The following PCDHA6 variants were observed in gnomAD, a reference collection of about 807,000 sequenced individuals.
The protein encoded by PCDHA6 is protocadherin alpha-6.
In PCDHA6, 55 loss-of-function variants were observed where a neutral mutation model predicts 60.3. That is an observed-to-expected ratio of 0.91 (90% CI 0.73 to 1.14). The LOEUF is 1.14. Among genes scored for constraint, PCDHA6 ranks in the 50% most tolerant of loss-of-function variants. The pLI is 0.00. For synonymous variants in PCDHA6, 652 were observed against 557.9 expected (o/e 1.17, Z -2.38); for missense variants, 1,327 against 1,256.5 (o/e 1.06, Z -0.85).
At chr5:140,925,641 T>TATAATAATAATAATA (rs10569930) in intron 1 of PCDHA6, among the ~76,000 whole-genome samples, 21 of 143,352 alleles carry the variant, frequency 1.5e-4, no homozygotes, top group East Asian at 6.1e-4. Context: ...GAACTTAAAG[T>TATAATAATAATAATA]ATAATAATAA....
At chr5:140,848,972 T>G in intron 1 of PCDHA6, 3 of 1,601,076 alleles carry the variant, frequency 1.9e-6, no homozygotes, top group Non-Finnish European at 2.6e-6. Context: ...GCGCGTCCGA[T>G]GCAGATATCG....
chr5:140,967,472 G>C (rs782183935), intron 1 of PCDHA6: 3 of 1,613,430 alleles, frequency 1.9e-6, no homozygotes, highest in Non-Finnish European at 2.5e-6. Flanking sequence ...GGGCATCCCA[G>C]CCCGCTCGGG....
rs1554132701 is a variant in PCDHA6 at position 140,830,282 on chromosome 5, G to A, written c.2191G>A (p.Ala731Thr). 1 of 1,613,704 alleles carries A rather than the reference G, an allele frequency of 6.2e-7. No homozygotes were observed. The highest frequency in any genetic ancestry group is 1.3e-5 in the African/African-American group (1 of 74,938). The change falls in exon 1 of 4, where the codon GCG (alanine) becomes ACG (threonine). Residue 731 changes from alanine (A) to threonine (T), a missense_variant. By Grantham distance (58) the Ala-to-Thr change is moderately conservative. Coordinates refer to ENST00000529310, the MANE Select transcript of PCDHA6 (RefSeq NM_018909.4). ...GTGCTCGGCGCCACCCACCGAGGGC[G>A]CGTGCACGGCGGACAAGCCCACGCT... is the stretch of plus-strand genomic sequence containing the variant. The part of the protein sequence containing the change: ...LRCSAPPTEG[A>T]CTADKPTLVC...
At chr5:140,883,329 C>T (rs1554177701) in intron 1 of PCDHA6, 1 of 1,614,166 alleles carries the variant, frequency 6.2e-7, no homozygotes. Context: ...ACCATCACTT[C>T]TTTGTCACTC....
intron 1 of PCDHA6, chr5:140,884,552 G>A (rs1554181720): frequency 6.2e-7 from 1 of 1,614,142 alleles, no homozygotes; most frequent in East Asian, 2.2e-5. Context: ...GTGCTCTGGG[G>A]AGGGCCCGCA....
In PCDHA6 at chr5:140,841,946, C is replaced by T. The variant is rs2150326253; in HGVS notation, c.2394+11461C>T. 2.0e-5 allele frequency: 32 copies of T among 1,613,790 alleles called. No homozygotes were observed. The Admixed American group carries it at 5.3e-4, about 27-fold the overall frequency. Reference sequence around the variant, plus strand: ...GGACAGAGAGGACGCTCCTGCGCACCACTTATTCCTGACAGCCACAGATGG... The same window carrying T: ...GGACAGAGAGGACGCTCCTGCGCACTACTTATTCCTGACAGCCACAGATGG... On this transcript the variant is annotated intron_variant, in intron 1 of 3. Transcript: ENST00000529310.
intron 3 of PCDHA6, among the ~76,000 whole-genome samples, chr5:140,987,107 G>C (rs936936352): frequency 2.0e-5 from 3 of 151,876 alleles, no homozygotes; most frequent in Admixed American, 6.6e-5. Context: ...CCAGCTACTC[G>C]GGAGGCTGAG....
chr5:140,970,894 C>T (rs1302694264), intron 1 of PCDHA6, among the ~76,000 whole-genome samples: 1 of 152,090 alleles, frequency 6.6e-6, no homozygotes, highest in Non-Finnish European at 1.5e-5. Context: ...ATGGACATTT[C>T]AGATAGATTT....
At chr5:140,924,944 T>TA (rs11334471) in intron 1 of PCDHA6, among the ~76,000 whole-genome samples, 37 of 142,946 alleles carry the variant, frequency 2.6e-4, no homozygotes, top group Non-Finnish European at 4.2e-4. Context: ...AATAAAAAGT[T>TA]AAAAAAAAAA....
intron 1 of PCDHA6, among the ~76,000 whole-genome samples, chr5:140,887,340 CCT>C (rs1554183026): frequency 1.3e-5 from 2 of 152,144 alleles, no homozygotes; most frequent in African/African-American, 4.8e-5. Flanking sequence ...TCGTGATCCA[CCT>C]GGCTCGGCCT....
chr5:140,849,081 T>G (rs2040772386), intron 1 of PCDHA6: 2 of 1,516,686 alleles, frequency 1.3e-6, no homozygotes. Context: ...TGGACTTGTA[T>G]TACGGAAACT....
chr5:140,900,534 T>C (rs1583392378), intron 1 of PCDHA6, among the ~76,000 whole-genome samples: 1 of 152,202 alleles, frequency 6.6e-6, no homozygotes, highest in Admixed American at 6.5e-5. Context: ...ACCTCGGCTT[T>C]CCAAAGTGCT....
At chr5:140,958,069 A>C (rs2095407625) in intron 1 of PCDHA6, among the ~76,000 whole-genome samples, 1 of 152,104 alleles carries the variant, frequency 6.6e-6, no homozygotes. Flanking sequence ...AAAAACACAG[A>C]AGCAAAAAGT....
intron 1 of PCDHA6, among the ~76,000 whole-genome samples, chr5:140,945,017 T>C (rs1563211481): frequency 6.6e-6 from 1 of 152,172 alleles, no homozygotes; most frequent in Non-Finnish European, 1.5e-5. Context: ...AATTATTTTT[T>C]ACTCAGACAT....
At chr5:140,967,282 GC>G in intron 1 of PCDHA6, 1 of 1,613,078 alleles carries the variant, frequency 6.2e-7, no homozygotes, top group Non-Finnish European at 8.5e-7. Flanking sequence ...TAGAGAGTGC[GC>G]AGGACCCCGA....
chr5:140,852,495 C>T (rs2042351013), intron 1 of PCDHA6: 1 of 241,812 alleles, frequency 4.1e-6, no homozygotes, highest in Non-Finnish European at 7.2e-6. Context: ...CCAGGTTGGT[C>T]TCGAACTCCT....
intron 1 of PCDHA6, among the ~76,000 whole-genome samples, chr5:140,972,279 A>G (rs568636203): frequency 3.3e-5 from 5 of 150,992 alleles, no homozygotes; most frequent in South Asian, 4.2e-4. Context: ...AGCTTGGACC[A>G]TAGATGTGCG....
At chr5:140,838,077 AGTG>A (rs1434205895) in intron 1 of PCDHA6, among the ~76,000 whole-genome samples, 27 of 80,700 alleles carry the variant, frequency 3.3e-4, no homozygotes, top group Middle Eastern at 7.4e-3. Flanking sequence ...ATATATATAT[AGTG>A]TGTGTGTGTG....
At chr5:140,870,590 G>C in intron 1 of PCDHA6, 1 of 1,613,564 alleles carries the variant, frequency 6.2e-7, no homozygotes, top group Non-Finnish European at 8.5e-7. Context: ...CTGGTGGAGC[G>C]GCGGTTGGGC....
Sources: gnomAD v4.1 joint callset for allele counts (sites outside exome capture counted in the v4.1 genomes callset) on GRCh38, gnomAD v4.1.1 for gene constraint, MANE v1.5 for transcripts, NCBI Gene and HGNC (gene_info 2026-07-23, HGNC 2026-07-21) for gene names.